Variants in IPO11 observed in about 807,000 individuals in gnomAD.
The protein encoded by IPO11 is importin 11, also known as importin-11.
Under a neutral mutation model 143.2 loss-of-function variants are expected in IPO11, and 66 were observed. That is an observed-to-expected ratio of 0.46 (90% CI 0.38 to 0.57). The LOEUF (loss-of-function observed/expected upper bound fraction) is 0.57, where lower values mean the gene tolerates loss of function less well. Among genes scored for constraint, IPO11 ranks in the 20% least tolerant of loss-of-function variants. The probability of loss-of-function intolerance (pLI) is 0.00; values close to 1 mark genes in which losing one functional copy is unlikely to be tolerated. For missense variants in IPO11, 1,026 were observed against 1,141.0 expected (o/e 0.90, Z 1.45); for synonymous variants, 385 against 377.8 (o/e 1.02, Z -0.22).
At chr5:62,566,389 G>A (rs1743940756) in intron 27 of IPO11, among the ~76,000 whole-genome samples, 1 of 151,816 alleles carries the variant, frequency 6.6e-6, no homozygotes, top group South Asian at 2.1e-4. Context: ...ATGATGTTGA[G>A]TTTTTTTTCA....
At chr5:62,431,947 A>G (rs1420168372) in intron 1 of IPO11, among the ~76,000 whole-genome samples, 1 of 151,074 alleles carries the variant, frequency 6.6e-6, no homozygotes, top group Non-Finnish European at 1.5e-5. Flanking sequence ...ATACATACAT[A>G]CATACATACA....
At position 62,452,574 on chromosome 5, in the gene IPO11, G is replaced by C. The variant is rs557509497; in HGVS notation, c.516+641G>C. On this transcript the variant is annotated intron_variant, in intron 5 of 29. Transcript: ENST00000325324. Reference sequence around the variant, plus strand: ...TGATACGTCTGGGTAACTGAAGGATGTAGGGCAGATATAGGAAGGAGTTTG... The same window carrying C: ...TGATACGTCTGGGTAACTGAAGGATCTAGGGCAGATATAGGAAGGAGTTTG... Among the ~76,000 whole-genome samples, 9 of 151,070 alleles carry C rather than the reference G, an allele frequency of 6.0e-5. No individual in the cohort carries two copies. In the East Asian group the frequency reaches 1.7e-3, roughly 29 times the overall value.
intron 1 of IPO11, among the ~76,000 whole-genome samples, chr5:62,424,847 C>T (rs1743662140): frequency 6.6e-6 from 1 of 152,146 alleles, no homozygotes; most frequent in Admixed American, 6.5e-5. Flanking sequence ...CATGGTTTCT[C>T]AGTCTCCTTT....
intron 29 of IPO11, among the ~76,000 whole-genome samples, chr5:62,614,250 G>T (rs1283107377): frequency 6.6e-6 from 1 of 152,202 alleles, no homozygotes; most frequent in African/African-American, 2.4e-5. Context: ...TTACTGAGCT[G>T]CAAGAAACCT....
rs367857509 is a variant in IPO11 at position 62,451,813 on chromosome 5, T to G, written c.396T>G (p.Leu132=). 131 of 1,613,986 alleles carry G rather than the reference T, an allele frequency of 8.1e-5. No homozygotes were observed. In the Middle Eastern group the frequency reaches 2.3e-3, roughly 28 times the overall value. ...AGTGGCCTGAACTAATTCCCACTCT[T>G]ATAGAGTCTGTTAAAGTCCAGGATG... ...PRQWPELIPT[L]IESVKVQDDL... Residue 132 remains leucine, a synonymous_variant, in exon 5 of 30, where the codon CTT becomes CTG. Transcript: ENST00000325324.
chr5:62,624,575 C>G (rs949717788), intron 29 of IPO11, among the ~76,000 whole-genome samples: 1 of 152,104 alleles, frequency 6.6e-6, no homozygotes, highest in African/African-American at 2.4e-5. Context: ...TCAGCTAGGT[C>G]TTTATGACCT....
At chr5:62,415,891 C>T (rs528126901) in intron 1 of IPO11, among the ~76,000 whole-genome samples, 1 of 152,158 alleles carries the variant, frequency 6.6e-6, no homozygotes, top group Admixed American at 6.5e-5. Context: ...TCTATCTGTC[C>T]ATCTCTAATG....
chr5:62,601,025 A>G (rs1336195646), intron 28 of IPO11, among the ~76,000 whole-genome samples: 2 of 152,218 alleles, frequency 1.3e-5, no homozygotes, highest in Non-Finnish European at 2.9e-5. Context: ...AGAGAACCCA[A>G]ACTTTCTTTG....
At chr5:62,478,482 A>T (rs1228986472) in intron 9 of IPO11, among the ~76,000 whole-genome samples, 2 of 152,024 alleles carry the variant, frequency 1.3e-5, no homozygotes, top group Non-Finnish European at 2.9e-5. Flanking sequence ...TATTTTTTTT[A>T]AATAGGATCT....
chr5:62,476,028 A>T (rs1407843160), intron 8 of IPO11, among the ~76,000 whole-genome samples: 1 of 152,242 alleles, frequency 6.6e-6, no homozygotes, highest in African/African-American at 2.4e-5. Flanking sequence ...AACATTGTTG[A>T]GCCTGTGGGC....
At chr5:62,580,791 C>T in intron 27 of IPO11, 10 of 1,551,414 alleles carry the variant, frequency 6.4e-6, no homozygotes, top group Non-Finnish European at 8.7e-6. Flanking sequence ...AGACTGAGAA[C>T]ATTACTTTCT....
intron 27 of IPO11, among the ~76,000 whole-genome samples, chr5:62,577,911 A>G (rs1185373220): frequency 6.6e-6 from 1 of 152,124 alleles, no homozygotes; most frequent in East Asian, 1.9e-4. Flanking sequence ...TAAAAGTCAG[A>G]ATTAGAAAGC....
In IPO11 at chr5:62,568,472, G is replaced by C. The variant is rs963860019; in HGVS notation, c.2582+7215G>C. The stretch of plus-strand genomic sequence containing the variant: ...ACCTGTAATCCCAGCTACTCGGGAG[G>C]CTGAGGCTGGAGACTCACTTGAACC... On this transcript the variant is annotated intron_variant, in intron 27 of 29. Transcript: ENST00000325324. Among the ~76,000 whole-genome samples the C allele has an allele frequency of 2.1e-4, 31 of 149,022 alleles. No individual in the cohort carries two copies. In the Admixed American group the frequency reaches 2.1e-3, roughly 10 times the overall value.
At chr5:62,579,357 G>A in intron 27 of IPO11, 1 of 1,273,916 alleles carries the variant, frequency 7.8e-7, no homozygotes, top group East Asian at 2.5e-5. Flanking sequence ...AAATTCATTT[G>A]ATGAAGTTTT....
Position 62,490,170 on chromosome 5 carries a change from T to A in IPO11, c.1413T>A (p.Asp471Glu), listed in dbSNP as rs1471314019. 6.2e-7 allele frequency: 1 copy of A among 1,606,290 alleles called. No homozygotes were observed. Among genetic ancestry groups the A allele is most frequent in the Non-Finnish European group, 8.5e-7 (1 of 1,176,188 alleles). The change falls in exon 15 of 30, where the codon GAT (aspartate) becomes GAA (glutamate). Residue 471 changes from aspartate to glutamate, a missense_variant. Physicochemically the swap from Asp to Glu is conservative, Grantham distance 45. Coordinates refer to ENST00000325324, the MANE Select transcript of IPO11 (RefSeq NM_016338.5). ...AGCTCTTTGACAGTGTTGATTTTGA[T>A]CAGTGGTTTAAAAACCAGCTTCTTC... is the stretch of plus-strand genomic sequence containing the variant. ...AYELFDSVDF[D>E]QWFKNQLLPE... is the part of the protein sequence containing the mutation.
chr5:62,569,760 A>G (rs187184628), intron 27 of IPO11, among the ~76,000 whole-genome samples: 217 of 152,310 alleles, frequency 1.4e-3, no homozygotes, highest in Admixed American at 0.013. Flanking sequence ...AAGTTTCAGG[A>G]CTTCAGATGT....
chr5:62,584,612 CAAAAAAAAAAAAAA>C (rs56062359), intron 27 of IPO11, among the ~76,000 whole-genome samples: 2 of 58,634 alleles, frequency 3.4e-5, no homozygotes, highest in Non-Finnish European at 5.9e-5. Flanking sequence ...AACTGTGCCT[CAAAAAAAAAAAAAA>C]AAAAAAAAAA....
Position 62,628,113 on chromosome 5 carries a change from C to T in IPO11, c.*795C>T, listed in dbSNP as rs1034701113. 6.6e-6 allele frequency: 1 copy of T among 151,794 alleles called. No homozygotes were observed. The highest frequency in any genetic ancestry group is 2.4e-5 in the African/African-American group (1 of 41,264). The allele number at this position is 151,794 out of a possible 1,614,324, so 9.4% of individuals were successfully genotyped here. A position where few individuals can be genotyped will look rare whatever the true frequency, so the allele number is the denominator to read the frequency against. ...GAGAAGAACTGGGCGACTCCCAGTCCCACCTGTGCTGTGACAGTCCCACGT... is the reference window on the plus strand; with the variant it reads ...GAGAAGAACTGGGCGACTCCCAGTCTCACCTGTGCTGTGACAGTCCCACGT... On this transcript the variant is annotated 3_prime_UTR_variant, in exon 30 of 30. Transcript: ENST00000325324.
At chr5:62,609,405 C>T (rs959703667) in intron 29 of IPO11, among the ~76,000 whole-genome samples, 1 of 152,220 alleles carries the variant, frequency 6.6e-6, no homozygotes, top group Non-Finnish European at 1.5e-5. Context: ...TTAACTGGTT[C>T]TCACAGTCAT....
Sources: allele counts gnomAD v4.1 joint callset (sites outside exome capture counted in the v4.1 genomes callset), GRCh38; gene constraint gnomAD v4.1.1; transcripts MANE v1.5; gene names NCBI Gene and HGNC (gene_info 2026-07-23, HGNC 2026-07-21).